Variants in MAD1L1 observed in about 807,000 individuals in gnomAD.
MAD1L1 encodes the protein mitotic arrest deficient 1 like 1.
In MAD1L1, 95 loss-of-function variants were observed where a neutral mutation model predicts 96.9. That is an observed-to-expected ratio of 0.98 (90% CI 0.83 to 1.16). The LOEUF is 1.16. MAD1L1 is among the 50% of genes most tolerant of loss of function. MAD1L1 has a pLI of 0.00. For missense variants in MAD1L1, 1,007 were observed against 954.4 expected, an observed-to-expected ratio of 1.06 and a Z score of -0.73; for synonymous variants, 473 against 396.6, an observed-to-expected ratio of 1.19 and a Z score of -2.29.
At chr7:1,886,374 C>T (rs745836976) in intron 18 of MAD1L1, among the ~76,000 whole-genome samples, 14 of 152,228 alleles carry the variant, frequency 9.2e-5, no homozygotes, top group Non-Finnish European at 1.9e-4. Context: ...ATGTCTACAC[C>T]CGTTGGCAGC....
chr7:2,032,287 T>C (rs1783261813), intron 12 of MAD1L1, among the ~76,000 whole-genome samples: 1 of 151,406 alleles, frequency 6.6e-6, no homozygotes, highest in African/African-American at 2.5e-5. Flanking sequence ...AGTCCTCCCT[T>C]TCAGATGAGG....
rs1481022756 is a variant in MAD1L1 at position 2,146,936 on chromosome 7, G to A, written c.1073+2216C>T. 6.6e-6 allele frequency among the ~76,000 whole-genome samples: 1 copy of A among 152,070 alleles called. No individual in the cohort carries two copies. The highest frequency in any genetic ancestry group is 1.5e-5 in the Non-Finnish European group (1 of 68,006). On this transcript the variant is annotated intron_variant, in intron 11 of 18. Transcript: ENST00000265854. The surrounding 1 kb of genome is among the most constrained non-coding windows in gnomAD (Gnocchi z 6.2). ...AACGCAAGCACCAAGGCCACGACGG[G>A]ACTCATCCACACCTCATTGGCCACT...
chr7:1,943,326 C>G (rs953709696), intron 16 of MAD1L1, among the ~76,000 whole-genome samples: 1 of 152,198 alleles, frequency 6.6e-6, no homozygotes, highest in African/African-American at 2.4e-5. Flanking sequence ...AAAAACAAGC[C>G]ACAGAATGGG....
chr7:2,142,259 C>T lies in MAD1L1; in HGVS notation c.1073+6893G>A, dbSNP rs1459246226. The stretch of plus-strand genomic sequence containing the variant: ...AACAAGGCAGGCACGTGCCAGCATC[C>T]GCACTGGAACCACCACAGGAAAGCA... On this transcript the variant is annotated intron_variant, in intron 11 of 18. Coordinates refer to ENST00000265854, the MANE Select transcript of MAD1L1 (RefSeq NM_001013836.2). The surrounding 1 kb of genome is among the most constrained non-coding windows in gnomAD (Gnocchi z 4.7). Among the ~76,000 whole-genome samples, 3 of 152,242 alleles carry T rather than the reference C, an allele frequency of 2.0e-5. No individual in the cohort carries two copies. Among genetic ancestry groups the T allele is most frequent in the South Asian group, 4.1e-4 (2 of 4,832 alleles).
intron 15 of MAD1L1, among the ~76,000 whole-genome samples, chr7:1,970,489 A>T (rs1382332865): frequency 1.3e-5 from 2 of 151,592 alleles, no homozygotes; most frequent in East Asian, 3.9e-4. Flanking sequence ...ACGCGCCACC[A>T]CGCCCAGCTA....
chr7:1,897,224 C>T (rs1251267219), intron 18 of MAD1L1, among the ~76,000 whole-genome samples: 1 of 95,058 alleles, frequency 1.1e-5, no homozygotes, highest in Non-Finnish European at 2.0e-5. Flanking sequence ...CATGCGTAGG[C>T]CGCACTGGGT....
At position 1,968,172 on chromosome 7, in the gene MAD1L1, GA is replaced by G. The variant is rs1780250004; in HGVS notation, c.1506-10454del. ...TGGAGAAAGTGCAAACAGCTTCGCG[GA>G]CGAGGCACCCGGCAGAGCACGCCTC... is the stretch of plus-strand genomic sequence containing the variant. On this transcript the variant is annotated intron_variant, in intron 15 of 18. Transcript: ENST00000265854. This position sits in a 1 kb window ranked among gnomAD's most constrained non-coding sequence, Gnocchi z 5.6. Among the ~76,000 whole-genome samples, 1 of 152,254 alleles carries G rather than the reference GA, an allele frequency of 6.6e-6. No individual in the cohort carries two copies. Among genetic ancestry groups the G allele is most frequent in the South Asian group, 2.1e-4 (1 of 4,836 alleles).
rs544732991 is a variant in MAD1L1, at chr7:2,103,547, G to A, written c.1074-34209C>T. 9.9e-5 allele frequency among the ~76,000 whole-genome samples: 15 copies of A among 152,258 alleles called. No homozygotes were observed. In the South Asian group the frequency reaches 3.1e-3, roughly 32 times the overall value. On this transcript the variant is annotated intron_variant, in intron 11 of 18. Coordinates refer to ENST00000265854, the MANE Select transcript of MAD1L1 (RefSeq NM_001013836.2). This position sits in a 1 kb window ranked among gnomAD's most constrained non-coding sequence, Gnocchi z 4.3. ...GTGCTCTTTGTTGGGCGGGGCAACC[G>A]CAGATGGGCCAGCACTGGGGCAAAG...
chr7:1,968,087 C>T lies in MAD1L1; in HGVS notation c.1506-10368G>A, dbSNP rs567717248. ...AACTCCACATCATACATGTAGAACT[C>T]ATCCCTCCAGAGGGGGAGCGTCGCC... On this transcript the variant is annotated intron_variant, in intron 15 of 18. Transcript: ENST00000265854. The surrounding 1 kb of genome is among the most constrained non-coding windows in gnomAD (Gnocchi z 5.6). Among the ~76,000 whole-genome samples, 1 of 152,368 alleles carries T rather than the reference C, an allele frequency of 6.6e-6. No individual in the cohort carries two copies. Among genetic ancestry groups the T allele is most frequent in the African/African-American group, 2.4e-5 (1 of 41,594 alleles).
At chr7:2,061,668 G>A (rs1456217054) in intron 12 of MAD1L1, among the ~76,000 whole-genome samples, 2 of 152,242 alleles carry the variant, frequency 1.3e-5, no homozygotes, top group Non-Finnish European at 2.9e-5. Context: ...CATGCCCAGC[G>A]CAAGGGCACC....
intron 17 of MAD1L1, among the ~76,000 whole-genome samples, chr7:1,910,703 T>C (rs1252918926): frequency 6.6e-6 from 1 of 152,206 alleles, no homozygotes; most frequent in East Asian, 1.9e-4. Context: ...TGGAACACGT[T>C]CGTCAGGTGA....
At chr7:2,022,260 G>A (rs557497937) in intron 12 of MAD1L1, among the ~76,000 whole-genome samples, 20 of 152,360 alleles carry the variant, frequency 1.3e-4, no homozygotes, top group African/African-American at 4.1e-4. Context: ...CGTGTTCTGC[G>A]GGAGGCGCCC....
chr7:1,886,230 T>C (rs1357429787), intron 18 of MAD1L1, among the ~76,000 whole-genome samples: 1 of 152,176 alleles, frequency 6.6e-6, no homozygotes, highest in Non-Finnish European at 1.5e-5. Flanking sequence ...TGGGGGTAAG[T>C]ACCCCTCCAA....
chr7:2,230,127 C>T lies in MAD1L1; in HGVS notation c.7G>A (p.Asp3Asn). ME[D>N]LGENTMVLST... ...AAAACCATGGTGTTTTCCCCCAGGT[C>T]TTCCATGGTTGCTTTCCTTCCGGGG... Residue 3 changes from aspartate to asparagine, a missense_variant, in exon 3 of 19, where the codon GAC (aspartate) becomes AAC (asparagine). Coordinates refer to ENST00000265854, the MANE Select transcript of MAD1L1 (RefSeq NM_001013836.2). 1 of 1,593,844 alleles carries T rather than the reference C, an allele frequency of 6.3e-7. No individual in the cohort carries two copies. Among genetic ancestry groups the T allele is most frequent in the Non-Finnish European group, 8.5e-7 (1 of 1,169,922 alleles).
At chr7:2,016,415 C>G (rs1782542460) in intron 12 of MAD1L1, among the ~76,000 whole-genome samples, 1 of 152,188 alleles carries the variant, frequency 6.6e-6, no homozygotes, top group African/African-American at 2.4e-5. Flanking sequence ...AGACCCCCAC[C>G]CAGAAGCGGA....
At chr7:2,089,223 G>A (rs1039636178) in intron 11 of MAD1L1, 4 of 152,288 alleles carry the variant, frequency 2.6e-5, no homozygotes, top group Admixed American at 2.0e-4. Flanking sequence ...TGGTTTGGCT[G>A]CGTCCCCGTG....
chr7:2,038,224 T>G (rs1480679347), intron 12 of MAD1L1, among the ~76,000 whole-genome samples: 1 of 152,130 alleles, frequency 6.6e-6, no homozygotes, highest in East Asian at 1.9e-4. Flanking sequence ...GGTGGGTTCA[T>G]GAGGTTTACA....
At chr7:2,058,752 G>C (rs1485893450) in intron 12 of MAD1L1, among the ~76,000 whole-genome samples, 16 of 123,878 alleles carry the variant, frequency 1.3e-4, no homozygotes, top group African/African-American at 5.0e-4. Context: ...GGCTAGAGGA[G>C]AGAAGCAGGG....
At chr7:2,064,866 A>G (rs1784813857) in intron 12 of MAD1L1, among the ~76,000 whole-genome samples, 1 of 149,674 alleles carries the variant, frequency 6.7e-6, no homozygotes, top group African/African-American at 2.5e-5. Flanking sequence ...TCTTCTCCCA[A>G]AGGATGGCGG....
Sources: allele counts gnomAD v4.1 joint callset (sites outside exome capture counted in the v4.1 genomes callset), GRCh38; gene constraint gnomAD v4.1.1; non-coding constraint Gnocchi (gnomAD v3.1); transcripts MANE v1.5; gene names NCBI Gene and HGNC (gene_info 2026-07-23, HGNC 2026-07-21).